The following ADAMTS12 variants were observed in gnomAD, a reference collection of about 807,000 sequenced individuals.
ADAMTS12 encodes A disintegrin and metalloproteinase with thrombospondin motifs 12.
ADAMTS12 carries 118 observed loss-of-function variants against 167.8 expected under a neutral mutation model. The ratio of observed to expected loss-of-function variants is 0.70; its 90% CI spans 0.61 to 0.82. The LOEUF is 0.82. Among genes scored for constraint, ADAMTS12 ranks in the 40% least tolerant of loss-of-function variants. The pLI is 0.00. For missense variants in ADAMTS12, 1,916 were observed against 1,998.8 expected (o/e 0.96, Z 0.79); for synonymous variants, 704 against 716.9 (o/e 0.98, Z 0.29).
intron 2 of ADAMTS12, among the ~76,000 whole-genome samples, chr5:33,766,523 T>C (rs1745540599): frequency 6.6e-6 from 1 of 152,198 alleles, no homozygotes; most frequent in South Asian, 2.1e-4. Flanking sequence ...ACTAGTAACG[T>C]ACCAATGTTG....
At chr5:33,764,313 A>G (rs1429247887) in intron 2 of ADAMTS12, among the ~76,000 whole-genome samples, 1 of 152,238 alleles carries the variant, frequency 6.6e-6, no homozygotes, top group Non-Finnish European at 1.5e-5. Context: ...CTGGAACTAT[A>G]TCTGAATATG....
Position 33,595,993 on chromosome 5 carries a change from G to A in ADAMTS12, c.2595C>T (p.Asp865=), listed in dbSNP as rs763777151. The part of the protein sequence containing the change: ...GRGMVKATFC[D]PETQPNGRQK... ...GTCTCCCATTGGGCTGTGTTTCTGG[G>A]TCACAGAATGTAGCTTTCACCATCC... Residue 865 remains aspartate, a synonymous_variant, in exon 17 of 24, where the codon GAC becomes GAT. Transcript: ENST00000504830. The A allele has an allele frequency of 3.1e-6, 5 of 1,613,990 alleles. No homozygotes were observed. Among genetic ancestry groups the A allele is most frequent in the Non-Finnish European group, 4.2e-6 (5 of 1,180,000 alleles).
At chr5:33,798,434 C>CTTT (rs3037113) in intron 2 of ADAMTS12, among the ~76,000 whole-genome samples, 44 of 69,268 alleles carry the variant, frequency 6.4e-4, no homozygotes, top group Middle Eastern at 8.6e-3. Context: ...TTCTTTGTAT[C>CTTT]TTTTTTTTTT....
intron 7 of ADAMTS12, among the ~76,000 whole-genome samples, chr5:33,656,385 C>G (rs1442395663): frequency 6.6e-6 from 1 of 152,186 alleles, no homozygotes; most frequent in East Asian, 1.9e-4. Flanking sequence ...TTGCCCTTAG[C>G]TTTGTTTACT....
At chr5:33,592,455 G>A (rs1747692475) in intron 17 of ADAMTS12, among the ~76,000 whole-genome samples, 1 of 152,206 alleles carries the variant, frequency 6.6e-6, no homozygotes, top group South Asian at 2.1e-4. Context: ...TATCACAGCT[G>A]TGGCCTAGCA....
At chr5:33,867,769 T>C (rs1156339871) in intron 2 of ADAMTS12, among the ~76,000 whole-genome samples, 1 of 152,228 alleles carries the variant, frequency 6.6e-6, no homozygotes, top group Non-Finnish European at 1.5e-5. Context: ...TTACAGAATT[T>C]TTTTATCTGC....
intron 7 of ADAMTS12, 71 bp from the exon 8 acceptor site, chr5:33,649,768 C>A: frequency 6.4e-7 from 1 of 1,569,270 alleles, no homozygotes; most frequent in South Asian, 1.2e-5. Flanking sequence ...ACCATAGTTT[C>A]CCTAAGAGCG....
At chr5:33,801,880 C>T (rs1035949144) in intron 2 of ADAMTS12, among the ~76,000 whole-genome samples, 1 of 152,162 alleles carries the variant, frequency 6.6e-6, no homozygotes, top group African/African-American at 2.4e-5. Context: ...GTGGAGCTTT[C>T]AGTGGAAGAT....
In ADAMTS12 at chr5:33,527,203, CT is replaced by C. The variant is rs535979955; in HGVS notation, c.4769del (p.Lys1590SerfsTer26). The C allele has an allele frequency of 3.3e-5, 54 of 1,614,114 alleles. No homozygotes were observed. In the African/African-American group the frequency reaches 6.5e-4, roughly 20 times the overall value. On this transcript the variant is annotated frameshift_variant, in exon 24 of 24. Coordinates refer to ENST00000504830, the MANE Select transcript of ADAMTS12 (RefSeq NM_030955.4). LOFTEE classifies it high-confidence loss of function. ...QRQRRQRLLQKSKEL is the reference protein window; with the variant it reads ...QRQRRQRLLQXSKEL ...CCTTTTGGGCTTAGAGTTCTTTTGA[CT>C]TTTGGAGCAACCGTTGCCTTCTTTG...
At chr5:33,712,105 A>T (rs1166198958) in intron 3 of ADAMTS12, among the ~76,000 whole-genome samples, 1 of 152,188 alleles carries the variant, frequency 6.6e-6, no homozygotes, top group Non-Finnish European at 1.5e-5. Flanking sequence ...ACATATTGGA[A>T]TGTAACGAAA....
At chr5:33,537,201 G>T (rs1039234902) in intron 22 of ADAMTS12, among the ~76,000 whole-genome samples, 15 of 152,224 alleles carry the variant, frequency 9.9e-5, no homozygotes, top group Non-Finnish European at 1.9e-4. Context: ...TAGCAAAGGG[G>T]CAACTGTTAA....
rs548335343 is a variant in ADAMTS12 at position 33,852,339 on chromosome 5, G to A, written c.489+28780C>T. The stretch of plus-strand genomic sequence containing the variant: ...AAGGCTGCTTGGAAGAAAGATAGTA[G>A]TATCTGATGACCCACTAAGAGACTG... On this transcript the variant is annotated intron_variant, in intron 2 of 23. Coordinates refer to ENST00000504830, the MANE Select transcript of ADAMTS12 (RefSeq NM_030955.4). Among the ~76,000 whole-genome samples the A allele has an allele frequency of 3.6e-4, 55 of 152,280 alleles. 1 individual carries two copies. In the South Asian group the frequency reaches 0.01, roughly 29 times the overall value.
chr5:33,799,521 C>A (rs1393895189), intron 2 of ADAMTS12, among the ~76,000 whole-genome samples: 2 of 152,160 alleles, frequency 1.3e-5, no homozygotes, highest in Non-Finnish European at 2.9e-5. Context: ...AGCCTTCATT[C>A]CCAAACCATT....
chr5:33,710,749 A>T (rs758862657), intron 3 of ADAMTS12, among the ~76,000 whole-genome samples: 1 of 152,136 alleles, frequency 6.6e-6, no homozygotes, highest in Admixed American at 6.6e-5. Context: ...ATCTAGAAGC[A>T]TCACTTTGAG....
At chr5:33,871,043 A>C (rs891649358) in intron 2 of ADAMTS12, among the ~76,000 whole-genome samples, 13 of 152,130 alleles carry the variant, frequency 8.5e-5, no homozygotes, top group African/African-American at 2.9e-4. Flanking sequence ...ATTTCCCCCC[A>C]AAAAAGATAT....
At chr5:33,543,159 C>T (rs1479797830) in intron 22 of ADAMTS12, among the ~76,000 whole-genome samples, 1 of 152,064 alleles carries the variant, frequency 6.6e-6, no homozygotes, top group Non-Finnish European at 1.5e-5. Context: ...CAAATAGACG[C>T]AATAAAAAAT....
At chr5:33,650,083 C>T (rs1371616347) in intron 7 of ADAMTS12, among the ~76,000 whole-genome samples, 1 of 152,184 alleles carries the variant, frequency 6.6e-6, no homozygotes, top group Non-Finnish European at 1.5e-5. Flanking sequence ...AGAACAAAAC[C>T]TTCCTTCTCC....
At chr5:33,699,369 TA>T (rs200025992) in intron 3 of ADAMTS12, among the ~76,000 whole-genome samples, 2,669 of 146,142 alleles carry the variant, frequency 0.018, 91 homozygotes, top group African/African-American at 0.062. Flanking sequence ...GGCAAAAAAT[TA>T]AAAAAAAAAC....
At chr5:33,818,585 A>G (rs549123759) in intron 2 of ADAMTS12, among the ~76,000 whole-genome samples, 1 of 152,114 alleles carries the variant, frequency 6.6e-6, no homozygotes, top group Admixed American at 6.5e-5. Flanking sequence ...TCTTTGGGGT[A>G]TACTCAGAGG....
Sources: gnomAD v4.1 joint callset for allele counts (sites outside exome capture counted in the v4.1 genomes callset) on GRCh38, gnomAD v4.1.1 for gene constraint, MANE v1.5 for transcripts, NCBI Gene and HGNC (gene_info 2026-07-23, HGNC 2026-07-21) for gene names.